Variants in ZNF385D observed in about 807,000 individuals in gnomAD.
ZNF385D encodes the protein zinc finger protein 385D, also known as zinc finger protein 659.
Under a neutral mutation model 35.8 loss-of-function variants are expected in ZNF385D, and 15 were observed. The ratio of observed to expected loss-of-function variants is 0.42; its 90% CI spans 0.28 to 0.64. The LOEUF (loss-of-function observed/expected upper bound fraction) is 0.64. Ranked by LOEUF, ZNF385D falls within the 30% of genes least tolerant of loss-of-function variation. ZNF385D has a pLI of 0.23. For synonymous variants in ZNF385D, 212 were observed against 186.8 expected, an observed-to-expected ratio of 1.13 and a Z score of -1.10; for missense variants, 474 against 494.6, an observed-to-expected ratio of 0.96 and a Z score of 0.39.
chr3:22,161,020 A>T (rs1210936324), intron 3 of ZNF385D, among the ~76,000 whole-genome samples: 4 of 152,058 alleles, frequency 2.6e-5, no homozygotes, highest in African/African-American at 9.7e-5. Flanking sequence ...TAATCTTCAA[A>T]TTTCTGTTCT....
chr3:22,163,501 A>C (rs1172396040), intron 3 of ZNF385D, among the ~76,000 whole-genome samples: 1 of 152,160 alleles, frequency 6.6e-6, no homozygotes, highest in African/African-American at 2.4e-5. Context: ...GAAATGTGAA[A>C]AACATTTTAG....
intron 3 of ZNF385D, among the ~76,000 whole-genome samples, chr3:22,057,802 C>T (rs1281524445): frequency 3.9e-5 from 6 of 152,168 alleles, no homozygotes; most frequent in African/African-American, 1.4e-4. Flanking sequence ...GCTTGAGCCA[C>T]TGTGCCCGGC....
intron 4 of ZNF385D, among the ~76,000 whole-genome samples, chr3:21,455,727 A>G (rs568832979): frequency 2.6e-4 from 39 of 152,344 alleles, no homozygotes; most frequent in African/African-American, 9.4e-4. Context: ...ACAAAAGCCA[A>G]AATTGACAAA....
At chr3:21,928,882 G>A (rs1340041344) in intron 3 of ZNF385D, among the ~76,000 whole-genome samples, 2 of 152,064 alleles carry the variant, frequency 1.3e-5, no homozygotes, top group African/African-American at 2.4e-5. Flanking sequence ...GTTTTACCGT[G>A]AATTCTGTCA....
chr3:21,936,595 T>C (rs1290925738), intron 3 of ZNF385D, among the ~76,000 whole-genome samples: 1 of 152,098 alleles, frequency 6.6e-6, no homozygotes, highest in Non-Finnish European at 1.5e-5. Context: ...ATAGGTTTGA[T>C]TGTTAAATGT....
chr3:21,659,867 T>G (rs985777568), intron 2 of ZNF385D, among the ~76,000 whole-genome samples: 3 of 152,112 alleles, frequency 2.0e-5, no homozygotes, highest in African/African-American at 7.2e-5. Flanking sequence ...CTACATATGT[T>G]CAAAATCTCA....
At chr3:22,352,935 T>G (rs1356341067) in intron 2 of ZNF385D, among the ~76,000 whole-genome samples, 3 of 152,162 alleles carry the variant, frequency 2.0e-5, no homozygotes, top group African/African-American at 7.2e-5. Context: ...GAAGCTCTCT[T>G]CCTTCCCTCC....
chr3:21,602,744 A>C (rs945391753), intron 2 of ZNF385D, among the ~76,000 whole-genome samples: 2 of 151,008 alleles, frequency 1.3e-5, no homozygotes, highest in African/African-American at 4.9e-5. Flanking sequence ...CTTGTTAGCC[A>C]GGATGGTCTC....
intron 3 of ZNF385D, among the ~76,000 whole-genome samples, chr3:21,972,645 T>A (rs1379009602): frequency 6.6e-6 from 1 of 151,798 alleles, no homozygotes; most frequent in Non-Finnish European, 1.5e-5. Flanking sequence ...AATGAAAAGT[T>A]GTTTTTTTGA....
intron 3 of ZNF385D, among the ~76,000 whole-genome samples, chr3:21,771,344 A>G (rs2071070492): frequency 6.6e-6 from 1 of 151,948 alleles, no homozygotes; most frequent in Non-Finnish European, 1.5e-5. Context: ...TAAGAAATAA[A>G]TATATAATAC....
At chr3:21,509,760 G>A (rs1036778775) in intron 4 of ZNF385D, among the ~76,000 whole-genome samples, 2 of 152,130 alleles carry the variant, frequency 1.3e-5, no homozygotes, top group Non-Finnish European at 2.9e-5. Flanking sequence ...GGGCTCTTAG[G>A]GAGGGCAGCA....
chr3:22,198,098 G>C (rs536070924), intron 2 of ZNF385D, among the ~76,000 whole-genome samples: 224 of 152,028 alleles, frequency 1.5e-3, no homozygotes, highest in African/African-American at 5.1e-3. Context: ...TTAATAATCA[G>C]GATTAAAAAT....
At chr3:21,614,323 T>A (rs571319085) in intron 2 of ZNF385D, among the ~76,000 whole-genome samples, 1 of 152,298 alleles carries the variant, frequency 6.6e-6, no homozygotes, top group South Asian at 2.1e-4. Flanking sequence ...TATGTCCTAA[T>A]CTCTTCCTCT....
At chr3:21,769,217 T>C (rs1402799573) in intron 3 of ZNF385D, among the ~76,000 whole-genome samples, 1 of 151,908 alleles carries the variant, frequency 6.6e-6, no homozygotes, top group African/African-American at 2.4e-5. Flanking sequence ...CAACATGGTG[T>C]TGGAAGTTCT....
intron 3 of ZNF385D, among the ~76,000 whole-genome samples, chr3:22,014,669 A>C (rs1696775423): frequency 6.6e-6 from 1 of 151,838 alleles, no homozygotes; most frequent in Non-Finnish European, 1.5e-5. Flanking sequence ...TGTGCAAGCA[A>C]ATTGAATAAT....
chr3:21,773,562 T>A (rs1162745768), intron 3 of ZNF385D, among the ~76,000 whole-genome samples: 1 of 151,534 alleles, frequency 6.6e-6, no homozygotes, highest in South Asian at 2.1e-4. Flanking sequence ...GGAACTTAAA[T>A]GAATTTACAA....
At chr3:22,107,346 T>A (rs779176) in intron 3 of ZNF385D, among the ~76,000 whole-genome samples, 118,834 of 151,968 alleles carry the variant, frequency 0.78, 47,306 homozygotes, top group Non-Finnish European at 0.84. Context: ...TTTAAAAGGC[T>A]ATTTTCCTCT....
At chr3:21,906,828 A>G (rs145140837) in intron 3 of ZNF385D, among the ~76,000 whole-genome samples, 1 of 152,316 alleles carries the variant, frequency 6.6e-6, no homozygotes, top group Non-Finnish European at 1.5e-5. Flanking sequence ...TGATCAAAGA[A>G]GACACACTTC....
At position 21,879,763 on chromosome 3, in the gene ZNF385D, A is replaced by G. The variant is rs144390755; in HGVS notation, c.326-214735T>C. Among the ~76,000 whole-genome samples the G allele has an allele frequency of 5.1e-4, 77 of 152,084 alleles. 1 individual carries two copies. In the East Asian group the frequency reaches 0.013, roughly 25 times the overall value. On this transcript the variant is annotated intron_variant, in intron 3 of 5. Transcript: ENST00000494108. ...TCCTCATTTGGAGAGTTACATAAAA[A>G]CTTCAGCTTTGGAGGATGCATGACT...
Sources: gnomAD v4.1 joint callset for allele counts (sites outside exome capture counted in the v4.1 genomes callset) on GRCh38, gnomAD v4.1.1 for gene constraint, MANE v1.5 for transcripts, NCBI Gene and HGNC (gene_info 2026-07-23, HGNC 2026-07-21) for gene names.